The following BCAP29 variants were observed in gnomAD, a reference collection of about 807,000 sequenced individuals.
The protein encoded by BCAP29 is B-cell receptor-associated protein 29.
In BCAP29, 34 loss-of-function variants were observed where a neutral mutation model predicts 31.8. That is an observed-to-expected ratio of 1.07 (90% CI 0.81 to 1.42). BCAP29 has a LOEUF of 1.42. Among genes scored for constraint, BCAP29 ranks in the 40% most tolerant of loss-of-function variants. BCAP29 has a pLI of 0.00. For missense variants in BCAP29, 314 were observed against 269.2 expected, an observed-to-expected ratio of 1.17 and a Z score of -1.16; for synonymous variants, 104 against 91.3, an observed-to-expected ratio of 1.14 and a Z score of -0.79.
At position 107,596,004 on chromosome 7, in the gene BCAP29, T is replaced by C. The variant is rs1048915686; in HGVS notation, c.480+2T>C. ...GAAGAAAACGAAAAACTAAAAAGGG[T>C]ATTTAATTTTCTTTGTAAAAATTAA... is the stretch of plus-strand genomic sequence containing the variant. On this transcript the variant is annotated splice_donor_variant, in intron 5 of 7. Transcript: ENST00000005259. LOFTEE classifies it high-confidence loss of function. The C allele has an allele frequency of 8.3e-6, 13 of 1,560,286 alleles. No homozygotes were observed. The highest frequency in any genetic ancestry group is 1.1e-5 in the Non-Finnish European group (13 of 1,160,124).
chr7:107,612,416 TATATATATATATATATA>T (rs1563141330), intron 6 of BCAP29, among the ~76,000 whole-genome samples: 2,085 of 46,190 alleles, frequency 0.045, 101 homozygotes, highest in South Asian at 0.17. Flanking sequence ...TATATATATA[TATATATATATATATATA>T]TATATATTTA....
chr7:107,621,628 A>G (rs1309274897), downstream of BCAP29: 2 of 457,772 alleles, frequency 4.4e-6, no homozygotes, highest in Non-Finnish European at 9.1e-6. Flanking sequence ...ATGCTTATAT[A>G]GAAGCAAAGG....
chr7:107,593,335 G>T (rs1244078427), intron 3 of BCAP29, among the ~76,000 whole-genome samples: 1 of 152,128 alleles, frequency 6.6e-6, no homozygotes, highest in Non-Finnish European at 1.5e-5. Context: ...GGAAAGAAGT[G>T]GTTCCCCTGC....
chr7:107,622,793 G>A (rs1262142037), downstream of BCAP29: 2 of 152,206 alleles, frequency 1.3e-5, no homozygotes, highest in Non-Finnish European at 2.9e-5. Flanking sequence ...CAATGCACAG[G>A]ACTGGAACAA....
At chr7:107,581,778 G>C (rs1031079766) in intron 2 of BCAP29, among the ~76,000 whole-genome samples, 1 of 152,116 alleles carries the variant, frequency 6.6e-6, no homozygotes, top group East Asian at 1.9e-4. Context: ...CTCCTTACCT[G>C]CCTGGATTTC....
chr7:107,613,664 T>A (rs1039112857), intron 7 of BCAP29: 2 of 1,604,752 alleles, frequency 1.2e-6, no homozygotes, highest in Non-Finnish European at 1.7e-6. Flanking sequence ...CATTCCAGTT[T>A]TGGTGAATTT....
In BCAP29 at chr7:107,612,410, TATATATATATATATA is replaced by T. The variant is rs1563141283; in HGVS notation, c.590-921_590-907del. ...ATTGTTTTATATATATATATATATA[TATATATATATATATA>T]TATATATATATATATTTATTTTACT... is the stretch of plus-strand genomic sequence containing the variant. On this transcript the variant is annotated intron_variant, in intron 6 of 7. Transcript: ENST00000005259. 5.4e-3 allele frequency among the ~76,000 whole-genome samples: 232 copies of T among 43,292 alleles called. 9 individuals carry two copies. The highest frequency in any genetic ancestry group is 9.5e-3 in the Admixed American group (28 of 2,946). The allele number at this position is 43,292 out of a possible 152,430, so 28.4% of individuals were successfully genotyped here.
At chr7:107,617,586 A>C (rs10228411) in intron 7 of BCAP29, among the ~76,000 whole-genome samples, 1 of 152,202 alleles carries the variant, frequency 6.6e-6, no homozygotes, top group Non-Finnish European at 1.5e-5. Flanking sequence ...GGACTTGTCC[A>C]TAATAGCTTC....
chr7:107,591,656 A>ACACACACACACACCC, intron 3 of BCAP29, among the ~76,000 whole-genome samples: 1 of 136,076 alleles, frequency 7.3e-6, no homozygotes, highest in East Asian at 2.2e-4. Flanking sequence ...ACACACACAC[A>ACACACACACACACCC]CCCTATTGGT....
intron 3 of BCAP29, among the ~76,000 whole-genome samples, chr7:107,592,533 C>A (rs1427454061): frequency 1.3e-5 from 2 of 152,166 alleles, no homozygotes; most frequent in Non-Finnish European, 2.9e-5. Flanking sequence ...GGCAGTTCCT[C>A]AAAAATTAAA....
chr7:107,591,805 T>C (rs566249165), intron 3 of BCAP29, among the ~76,000 whole-genome samples: 2 of 152,164 alleles, frequency 1.3e-5, no homozygotes, highest in South Asian at 4.1e-4. Context: ...AATCAAGTAT[T>C]TGTTTTATTT....
At chr7:107,594,902 C>G (rs1458648441) in intron 4 of BCAP29, among the ~76,000 whole-genome samples, 1 of 152,162 alleles carries the variant, frequency 6.6e-6, no homozygotes, top group African/African-American at 2.4e-5. Context: ...CCATAAGGCC[C>G]TGAATGATTA....
chr7:107,602,697 C>G (rs147020190), intron 6 of BCAP29, among the ~76,000 whole-genome samples: 108 of 152,096 alleles, frequency 7.1e-4, no homozygotes, highest in Middle Eastern at 3.4e-3. Context: ...TTTATTTAAG[C>G]TAGTTAGCCC....
intron 3 of BCAP29, among the ~76,000 whole-genome samples, chr7:107,586,818 T>C (rs966941247): frequency 6.6e-6 from 1 of 151,458 alleles, no homozygotes; most frequent in Admixed American, 6.6e-5. Context: ...ACCTCCACTT[T>C]CCAGGCTCAA....
At chr7:107,600,569 C>G (rs1563135131) in intron 6 of BCAP29, 64 bp downstream of exon 6, 1 of 929,516 alleles carries the variant, frequency 1.1e-6, no homozygotes, top group Non-Finnish European at 1.6e-6. Flanking sequence ...GTACACTTCA[C>G]TGTTTTTCCT....
At chr7:107,585,625 A>C (rs575267904) in intron 3 of BCAP29, among the ~76,000 whole-genome samples, 26 of 152,192 alleles carry the variant, frequency 1.7e-4, no homozygotes, top group Non-Finnish European at 3.2e-4. Flanking sequence ...TTATCACAAA[A>C]ATTTCTATTG....
At chr7:107,603,164 G>T (rs1488285239) in intron 6 of BCAP29, among the ~76,000 whole-genome samples, 1 of 151,638 alleles carries the variant, frequency 6.6e-6, no homozygotes, top group African/African-American at 2.4e-5. Flanking sequence ...TAGAGATGGG[G>T]TTTCCCCATG....
At chr7:107,599,962 T>C (rs534410046) in intron 5 of BCAP29, among the ~76,000 whole-genome samples, 2 of 152,312 alleles carry the variant, frequency 1.3e-5, no homozygotes, top group South Asian at 4.1e-4. Flanking sequence ...CTCTGACATA[T>C]TCTTCTCTTA....
chr7:107,608,707 CTT>C (rs974613915), intron 6 of BCAP29, among the ~76,000 whole-genome samples: 9 of 152,088 alleles, frequency 5.9e-5, no homozygotes, highest in African/African-American at 1.7e-4. Context: ...AGAATGGTCT[CTT>C]TGCTTTGTTT....
Sources: allele counts gnomAD v4.1 joint callset (sites outside exome capture counted in the v4.1 genomes callset), GRCh38; gene constraint gnomAD v4.1.1; transcripts MANE v1.5; gene names NCBI Gene and HGNC (gene_info 2026-07-23, HGNC 2026-07-21).